KCNQ3: variants seen among roughly 807,000 people sequenced by gnomAD.
The protein encoded by KCNQ3 is potassium voltage-gated channel subfamily KQT member 3.
Under a neutral mutation model 92.5 loss-of-function variants are expected in KCNQ3, and 30 were observed. That is an observed-to-expected ratio of 0.32 (90% confidence interval 0.24 to 0.44). The LOEUF (loss-of-function observed/expected upper bound fraction) is 0.44, where lower values mean the gene tolerates loss of function less well. KCNQ3 is among the 20% of genes least tolerant of loss of function. The pLI is 1.00. For synonymous variants in KCNQ3, 450 were observed against 468.8 expected (o/e 0.96, Z 0.52); for missense variants, 913 against 1,140.3 (o/e 0.80, Z 2.87).
intron 14 of KCNQ3, 88 bp from the exon 15 acceptor site, chr8:132,130,084 GTTTTT>G: frequency 5.3e-6 from 6 of 1,140,372 alleles, no homozygotes; most frequent in South Asian, 1.5e-5. Flanking sequence ...CTTTTTTTTT[GTTTTT>G]TTTTTTTTTT....
intron 2 of KCNQ3, among the ~76,000 whole-genome samples, chr8:132,185,724 T>A (rs1344278773): frequency 6.6e-6 from 1 of 152,224 alleles, no homozygotes; most frequent in Middle Eastern, 3.2e-3. Context: ...GAGTTTAGAT[T>A]GTAGGATACC....
intron 1 of KCNQ3, among the ~76,000 whole-genome samples, chr8:132,307,420 G>C (rs574758503): frequency 6.6e-6 from 1 of 152,220 alleles, no homozygotes; most frequent in Non-Finnish European, 1.5e-5. Flanking sequence ...GAAAAGTAGA[G>C]GTAAAGTAAG....
chr8:132,476,875 C>G (rs1175335918), intron 1 of KCNQ3, among the ~76,000 whole-genome samples: 1 of 152,106 alleles, frequency 6.6e-6, no homozygotes, highest in African/African-American at 2.4e-5. Context: ...CGCTCTGTGT[C>G]CCCACCCAAC....
intron 9 of KCNQ3, among the ~76,000 whole-genome samples, chr8:132,149,570 G>A (rs1825570546): frequency 6.6e-6 from 1 of 152,176 alleles, no homozygotes; most frequent in South Asian, 2.1e-4. Flanking sequence ...TTTTGCTTCT[G>A]AGCCTTTTGG....
chr8:132,185,187 G>T (rs1044991626), intron 2 of KCNQ3, among the ~76,000 whole-genome samples: 1 of 152,228 alleles, frequency 6.6e-6, no homozygotes, highest in Non-Finnish European at 1.5e-5. Flanking sequence ...GCAAACCCCT[G>T]CTCTCAGAAG....
At chr8:132,260,893 C>T (rs563181365) in intron 1 of KCNQ3, among the ~76,000 whole-genome samples, 191 of 152,270 alleles carry the variant, frequency 1.3e-3, no homozygotes, top group African/African-American at 4.5e-3. Flanking sequence ...TCCATCCATC[C>T]ATCCAATCAC....
At chr8:132,159,821 T>A (rs1272640147) in intron 9 of KCNQ3, among the ~76,000 whole-genome samples, 1 of 151,976 alleles carries the variant, frequency 6.6e-6, no homozygotes, top group Admixed American at 6.6e-5. Flanking sequence ...GAATAATGAG[T>A]CCATCCATCC....
At chr8:132,203,181 T>C (rs988040747) in intron 1 of KCNQ3, among the ~76,000 whole-genome samples, 1 of 152,216 alleles carries the variant, frequency 6.6e-6, no homozygotes, top group Non-Finnish European at 1.5e-5. Flanking sequence ...AATCCATTCC[T>C]GAGGGCTCTG....
chr8:132,334,496 C>T (rs891721641), intron 1 of KCNQ3, among the ~76,000 whole-genome samples: 4 of 152,200 alleles, frequency 2.6e-5, no homozygotes, highest in African/African-American at 9.6e-5. Flanking sequence ...GTAAGTTCCT[C>T]AGAAATACAA....
intron 1 of KCNQ3, among the ~76,000 whole-genome samples, chr8:132,303,025 A>T (rs759403480): frequency 1.3e-5 from 2 of 152,226 alleles, no homozygotes; most frequent in Non-Finnish European, 2.9e-5. Context: ...GTCAAAGGGT[A>T]GTAGGCTTAA....
intron 1 of KCNQ3, among the ~76,000 whole-genome samples, chr8:132,339,281 C>G (rs1305204532): frequency 6.6e-6 from 1 of 152,180 alleles, no homozygotes; most frequent in African/African-American, 2.4e-5. Flanking sequence ...TCATTTTTAA[C>G]TTCTTCTGTT....
At chr8:132,397,236 G>C (rs954451571) in intron 1 of KCNQ3, among the ~76,000 whole-genome samples, 1 of 152,082 alleles carries the variant, frequency 6.6e-6, no homozygotes, top group East Asian at 1.9e-4. Flanking sequence ...CCAGAGGACT[G>C]CTGCCTGACA....
intron 1 of KCNQ3, among the ~76,000 whole-genome samples, chr8:132,218,625 C>T (rs1476077793): frequency 6.6e-6 from 1 of 152,134 alleles, no homozygotes; most frequent in Non-Finnish European, 1.5e-5. Flanking sequence ...TAGAAGTAGG[C>T]AGTCCACTCA....
At chr8:132,197,944 C>T (rs917044954) in intron 1 of KCNQ3, among the ~76,000 whole-genome samples, 2 of 152,278 alleles carry the variant, frequency 1.3e-5, no homozygotes, top group East Asian at 3.9e-4. Context: ...GTGGCAAGTA[C>T]ACTCTAAAAT....
At chr8:132,395,266 G>A (rs1360332019) in intron 1 of KCNQ3, among the ~76,000 whole-genome samples, 4 of 152,100 alleles carry the variant, frequency 2.6e-5, no homozygotes, top group Non-Finnish European at 5.9e-5. Flanking sequence ...TCTTTGTGTT[G>A]AGAACATTCA....
At chr8:132,371,799 TC>T (rs1819479856) in intron 1 of KCNQ3, among the ~76,000 whole-genome samples, 1 of 152,094 alleles carries the variant, frequency 6.6e-6, no homozygotes, top group African/African-American at 2.4e-5. Context: ...AGTCAATAAT[TC>T]CAAAGTAAAT....
intron 1 of KCNQ3, among the ~76,000 whole-genome samples, chr8:132,380,722 T>C (rs1331883569): frequency 7.2e-6 from 1 of 138,042 alleles, no homozygotes; most frequent in Admixed American, 7.1e-5. Flanking sequence ...TGAGAGAAAA[T>C]GCCCAGAGAA....
At chr8:132,245,402 AAC>A (rs1815138105) in intron 1 of KCNQ3, among the ~76,000 whole-genome samples, 1 of 152,186 alleles carries the variant, frequency 6.6e-6, no homozygotes, top group Non-Finnish European at 1.5e-5. Flanking sequence ...TCTTACAGGA[AAC>A]CTTCCCTTCT....
At chr8:132,428,476 T>C (rs1033064835) in intron 1 of KCNQ3, among the ~76,000 whole-genome samples, 6 of 152,084 alleles carry the variant, frequency 3.9e-5, no homozygotes. Context: ...AAGCAGCACA[T>C]AGAAATTAGT....
Sources: allele counts gnomAD v4.1 joint callset (sites outside exome capture counted in the v4.1 genomes callset), GRCh38; gene constraint gnomAD v4.1.1; transcripts MANE v1.5; gene names NCBI Gene and HGNC (gene_info 2026-07-23, HGNC 2026-07-21).